Variants in DENND4A observed in about 807,000 individuals in gnomAD.
DENND4A encodes the protein C-myc promoter-binding protein.
Under a neutral mutation model 199.3 loss-of-function variants are expected in DENND4A, and 70 were observed. That is an observed-to-expected ratio of 0.35 (90% CI 0.29 to 0.43). The LOEUF (loss-of-function observed/expected upper bound fraction) is 0.43, where lower values mean the gene tolerates loss of function less well. Among genes scored for constraint, DENND4A ranks in the 20% least tolerant of loss-of-function variants. The pLI is 1.00. For synonymous variants in DENND4A, 686 were observed against 766.9 expected (o/e 0.89, Z 1.74); for missense variants, 1,723 against 2,255.8 (o/e 0.76, Z 4.78).
At chr15:65,764,709 C>T (rs1054131338) in intron 1 of DENND4A, among the ~76,000 whole-genome samples, 2 of 151,956 alleles carry the variant, frequency 1.3e-5, no homozygotes, top group Non-Finnish European at 2.9e-5. Context: ...CACAGTGGCT[C>T]ATGCCTGTAA....
intron 1 of DENND4A, among the ~76,000 whole-genome samples, chr15:65,790,393 C>T (rs2077683594): frequency 6.6e-6 from 1 of 152,106 alleles, no homozygotes; most frequent in Non-Finnish European, 1.5e-5. Context: ...TCCCAATTTG[C>T]GACTGGTATC....
chr15:65,735,157 C>T (rs568857982), intron 7 of DENND4A, among the ~76,000 whole-genome samples: 8 of 152,094 alleles, frequency 5.3e-5, no homozygotes, highest in African/African-American at 1.9e-4. Flanking sequence ...GTGGGCGGAT[C>T]ACTTGATGTC....
chr15:65,764,004 G>T (rs1374077280), intron 1 of DENND4A, among the ~76,000 whole-genome samples: 1 of 152,124 alleles, frequency 6.6e-6, no homozygotes, highest in African/African-American at 2.4e-5. Flanking sequence ...TAAAAATACT[G>T]TATGTATATA....
At chr15:65,705,469 T>C (rs1379839994) in intron 15 of DENND4A, among the ~76,000 whole-genome samples, 1 of 152,222 alleles carries the variant, frequency 6.6e-6, no homozygotes, top group East Asian at 1.9e-4. Flanking sequence ...CTTATTTTAC[T>C]GTGCTCAGGA....
At chr15:65,693,102 A>T (rs191634268) in intron 22 of DENND4A, among the ~76,000 whole-genome samples, 1 of 152,326 alleles carries the variant, frequency 6.6e-6, no homozygotes, top group East Asian at 1.9e-4. Flanking sequence ...CTAAGTTTAC[A>T]CACATGCTAA....
chr15:65,746,873 C>G (rs1046526161), intron 4 of DENND4A, among the ~76,000 whole-genome samples: 1 of 150,966 alleles, frequency 6.6e-6, no homozygotes, highest in Non-Finnish European at 1.5e-5. Context: ...AGAAGACCAG[C>G]CTGGCCAATA....
intron 2 of DENND4A, among the ~76,000 whole-genome samples, chr15:65,757,582 T>C (rs988220086): frequency 6.6e-6 from 1 of 152,174 alleles, no homozygotes; most frequent in South Asian, 2.1e-4. Flanking sequence ...GGGAGTCTCC[T>C]CTGAGAATTC....
chr15:65,712,470 T>C (rs1196779755), intron 14 of DENND4A, among the ~76,000 whole-genome samples: 2 of 152,188 alleles, frequency 1.3e-5, no homozygotes, highest in African/African-American at 2.4e-5. Context: ...TTTAAAAACA[T>C]ACATAAGAAA....
At chr15:65,727,082 G>C (rs1263661830) in intron 11 of DENND4A, among the ~76,000 whole-genome samples, 2 of 151,726 alleles carry the variant, frequency 1.3e-5, no homozygotes, top group Non-Finnish European at 2.9e-5. Context: ...GAGATGCCAA[G>C]GGGGGAGGAT....
At chr15:65,768,722 C>T (rs771648460) in intron 1 of DENND4A, among the ~76,000 whole-genome samples, 1 of 152,062 alleles carries the variant, frequency 6.6e-6, no homozygotes, top group Non-Finnish European at 1.5e-5. Context: ...GTGGCTCATG[C>T]CTGTAATCCC....
chr15:65,744,064 T>A (rs1301918900), intron 4 of DENND4A, among the ~76,000 whole-genome samples: 1 of 152,282 alleles, frequency 6.6e-6, no homozygotes, highest in East Asian at 1.9e-4. Flanking sequence ...ATAATTATTT[T>A]GTATCAGTAA....
intron 1 of DENND4A, among the ~76,000 whole-genome samples, chr15:65,779,535 G>T (rs1175005066): frequency 1.3e-5 from 2 of 152,076 alleles, no homozygotes; most frequent in Non-Finnish European, 2.9e-5. Flanking sequence ...CTGTTGCTGA[G>T]GCTGGGGTGT....
intron 12 of DENND4A, among the ~76,000 whole-genome samples, chr15:65,721,232 T>G (rs369022433): frequency 9.4e-4 from 143 of 152,136 alleles, no homozygotes; most frequent in African/African-American, 3.3e-3. Context: ...CATGCATGAT[T>G]TATTTGTTCC....
chr15:65,745,869 C>T (rs2076373729), intron 4 of DENND4A, among the ~76,000 whole-genome samples: 2 of 151,978 alleles, frequency 1.3e-5, no homozygotes, highest in South Asian at 2.1e-4. Context: ...CATGGTGGCT[C>T]ATGCCTGTAA....
intron 23 of DENND4A, among the ~76,000 whole-genome samples, chr15:65,685,868 A>C (rs1264953908): frequency 3.3e-5 from 5 of 152,158 alleles, no homozygotes; most frequent in Non-Finnish European, 7.4e-5. Flanking sequence ...TGGAGTCTAA[A>C]TTTTATTCTC....
intron 14 of DENND4A, among the ~76,000 whole-genome samples, chr15:65,712,958 G>T (rs1050654522): frequency 2.6e-5 from 4 of 152,102 alleles, no homozygotes; most frequent in Admixed American, 2.6e-4. Context: ...TAATCTTTGA[G>T]AGTAAGCTGC....
intron 23 of DENND4A, among the ~76,000 whole-genome samples, chr15:65,689,792 T>C (rs1040969764): frequency 3.9e-5 from 6 of 152,174 alleles, no homozygotes; most frequent in African/African-American, 1.4e-4. Context: ...TTTGTCTCTC[T>C]AACCCACAAG....
In DENND4A at chr15:65,751,848, G is replaced by A. The variant is rs564120505; in HGVS notation, c.561+531C>T. On this transcript the variant is annotated intron_variant, in intron 4 of 32. Transcript: ENST00000443035. ...GACTGGAAAGAGTAAAGTGAGGAAT[G>A]GGACAGAATATACTCAACTCTTTTT... Among the ~76,000 whole-genome samples the A allele has an allele frequency of 2.6e-5, 4 of 152,190 alleles. No individual in the cohort carries two copies. The South Asian group carries it at 8.3e-4, about 32-fold the overall frequency.
At chr15:65,756,824 T>C (rs972567048) in intron 2 of DENND4A, among the ~76,000 whole-genome samples, 2 of 152,004 alleles carry the variant, frequency 1.3e-5, no homozygotes, top group African/African-American at 4.8e-5. Context: ...TCACCTGAGG[T>C]CAGGAGTTTG....
Sources: gnomAD v4.1 joint callset for allele counts (sites outside exome capture counted in the v4.1 genomes callset) on GRCh38, gnomAD v4.1.1 for gene constraint, MANE v1.5 for transcripts, NCBI Gene and HGNC (gene_info 2026-07-23, HGNC 2026-07-21) for gene names.